The following GRIN3A variants were observed in gnomAD, a reference collection of about 807,000 sequenced individuals.
GRIN3A encodes glutamate ionotropic receptor NMDA type subunit 3A.
In GRIN3A, 47 loss-of-function variants were observed where a neutral mutation model predicts 92.4. The ratio of observed to expected loss-of-function variants is 0.51; its 90% CI spans 0.40 to 0.65. GRIN3A has a LOEUF of 0.65. Ranked by LOEUF, GRIN3A falls within the 30% of genes least tolerant of loss-of-function variation. GRIN3A has a pLI of 0.00. For missense variants in GRIN3A, 1,324 were observed against 1,393.1 expected (o/e 0.95, Z 0.79); for synonymous variants, 527 against 540.6 (o/e 0.97, Z 0.35).
chr9:101,594,996 G>A (rs1828099608), intron 6 of GRIN3A: 5 of 1,523,988 alleles, frequency 3.3e-6, no homozygotes, highest in Non-Finnish European at 4.4e-6. Context: ...GGCGGGGCTC[G>A]TGCCCGGACG....
At chr9:101,674,996 T>C (rs1003826429) in intron 2 of GRIN3A, among the ~76,000 whole-genome samples, 10 of 151,914 alleles carry the variant, frequency 6.6e-5, no homozygotes, top group Admixed American at 2.0e-4. Context: ...TTAACAGAGA[T>C]CTACATTAGT....
chr9:101,632,922 T>C (rs1828733827), intron 3 of GRIN3A, among the ~76,000 whole-genome samples: 2 of 152,148 alleles, frequency 1.3e-5, no homozygotes, highest in Admixed American at 6.5e-5. Context: ...TTCAGCTAAA[T>C]ACCTCACCAG....
intron 4 of GRIN3A, 119 bp downstream of exon 4, chr9:101,628,137 T>C (rs1828658725): frequency 2.2e-6 from 2 of 915,308 alleles, no homozygotes. Context: ...AAAGTATTAC[T>C]TAACACAACG....
chr9:101,688,804 G>T (rs961342926), intron 1 of GRIN3A, among the ~76,000 whole-genome samples: 1 of 151,984 alleles, frequency 6.6e-6, no homozygotes, highest in Non-Finnish European at 1.5e-5. Context: ...GGAGATGGAG[G>T]TTGCAGTGAG....
chr9:101,682,570 C>T (rs927344227), intron 2 of GRIN3A, among the ~76,000 whole-genome samples: 2 of 152,164 alleles, frequency 1.3e-5, no homozygotes, highest in African/African-American at 2.4e-5. Context: ...TTTTGTCTAC[C>T]CGACCATAGT....
At chr9:101,681,180 C>T (rs1276831845) in intron 2 of GRIN3A, among the ~76,000 whole-genome samples, 2 of 152,136 alleles carry the variant, frequency 1.3e-5, no homozygotes, top group Non-Finnish European at 2.9e-5. Flanking sequence ...TCACTTTCCC[C>T]AGAGTCCGAT....
At chr9:101,626,098 CA>C (rs1421952689) in intron 4 of GRIN3A, among the ~76,000 whole-genome samples, 4 of 152,128 alleles carry the variant, frequency 2.6e-5, no homozygotes, top group African/African-American at 9.7e-5. Flanking sequence ...AAGTGGGATC[CA>C]GTTACAAGTA....
intron 3 of GRIN3A, among the ~76,000 whole-genome samples, chr9:101,639,382 A>G (rs1210633136): frequency 2.0e-5 from 3 of 152,032 alleles, no homozygotes; most frequent in African/African-American, 7.2e-5. Flanking sequence ...CTATGGCATC[A>G]GAATAACCCC....
At chr9:101,724,460 G>A (rs1199987937) in intron 1 of GRIN3A, among the ~76,000 whole-genome samples, 1 of 152,094 alleles carries the variant, frequency 6.6e-6, no homozygotes, top group Non-Finnish European at 1.5e-5. Context: ...TGACCTGCGC[G>A]CGCAGCCCTG....
At chr9:101,683,470 A>G (rs1829489211) in intron 2 of GRIN3A, among the ~76,000 whole-genome samples, 1 of 152,218 alleles carries the variant, frequency 6.6e-6, no homozygotes, top group African/African-American at 2.4e-5. Context: ...ATTAAACAAA[A>G]TAAATAAGGA....
intron 2 of GRIN3A, among the ~76,000 whole-genome samples, chr9:101,675,873 T>C (rs765367482): frequency 6.6e-6 from 1 of 151,988 alleles, no homozygotes; most frequent in Non-Finnish European, 1.5e-5. Context: ...ATGTATTAAT[T>C]ACATTAGTCA....
intron 6 of GRIN3A, among the ~76,000 whole-genome samples, chr9:101,582,225 T>C (rs1270597236): frequency 3.3e-5 from 5 of 152,192 alleles, no homozygotes; most frequent in African/African-American, 1.2e-4. Flanking sequence ...GAAGTCTATC[T>C]GGGGGTCAGG....
intron 5 of GRIN3A, among the ~76,000 whole-genome samples, chr9:101,618,203 T>C (rs912064071): frequency 2.7e-5 from 4 of 148,410 alleles, no homozygotes; most frequent in African/African-American, 1.0e-4. Context: ...CTAATTAAAC[T>C]AAAGAGCTTC....
At chr9:101,642,408 T>C (rs1378638416) in intron 3 of GRIN3A, among the ~76,000 whole-genome samples, 1 of 152,136 alleles carries the variant, frequency 6.6e-6, no homozygotes, top group Non-Finnish European at 1.5e-5. Context: ...ATCATTGACA[T>C]TGGTGTTGGC....
intron 6 of GRIN3A, among the ~76,000 whole-genome samples, chr9:101,600,290 CA>C (rs1162789919): frequency 2.0e-5 from 3 of 152,128 alleles, no homozygotes; most frequent in Non-Finnish European, 4.4e-5. Flanking sequence ...TGTATGCATA[CA>C]TGCACACAGA....
rs574479540 is a variant in GRIN3A, at chr9:101,618,500, C to T, written c.2614+4818G>A. Among the ~76,000 whole-genome samples the T allele has an allele frequency of 1.1e-3, 162 of 152,234 alleles. 1 individual carries two copies. Among genetic ancestry groups the T allele is most frequent in the Middle Eastern group, 3.4e-3 (1 of 294 alleles). ...TGCAAATCAAAACCACAATGACATA[C>T]CATCTCACACCAGTTAGAATGGCAA... On this transcript the variant is annotated intron_variant, in intron 5 of 8. Coordinates refer to ENST00000361820, the MANE Select transcript of GRIN3A (RefSeq NM_133445.3).
At chr9:101,704,987 A>G (rs1829795199) in intron 1 of GRIN3A, among the ~76,000 whole-genome samples, 1 of 152,142 alleles carries the variant, frequency 6.6e-6, no homozygotes, top group Non-Finnish European at 1.5e-5. Context: ...AGGGAGGCAG[A>G]TATTAATAAG....
chr9:101,642,594 A>T (rs1455937283), intron 3 of GRIN3A, among the ~76,000 whole-genome samples: 2 of 152,182 alleles, frequency 1.3e-5, no homozygotes, highest in Admixed American at 1.3e-4. Context: ...CCATATCCTC[A>T]GCCAGCAGGC....
intron 6 of GRIN3A, among the ~76,000 whole-genome samples, chr9:101,581,028 A>G (rs750594967): frequency 3.3e-4 from 51 of 152,240 alleles, no homozygotes; most frequent in Non-Finnish European, 5.7e-4. Context: ...GTAAAAATAC[A>G]TAATATATTG....
Sources: gnomAD v4.1 joint callset for allele counts (sites outside exome capture counted in the v4.1 genomes callset) on GRCh38, gnomAD v4.1.1 for gene constraint, MANE v1.5 for transcripts, NCBI Gene and HGNC (gene_info 2026-07-23, HGNC 2026-07-21) for gene names.